The following HHLA1 variants were observed in gnomAD, a reference collection of about 807,000 sequenced individuals.
The protein encoded by HHLA1 is HHLA1 neighbor of OC90, also known as HERV-H LTR-associating protein 1.
Under a neutral mutation model 69.9 loss-of-function variants are expected in HHLA1, and 72 were observed. The observed-to-expected ratio is 1.03, with a 90% CI of 0.85 to 1.25. HHLA1 has a LOEUF of 1.25. HHLA1 is among the 50% of genes most tolerant of loss of function. The probability of loss-of-function intolerance (pLI) is 0.00; values close to 1 mark genes in which losing one functional copy is unlikely to be tolerated. For missense variants in HHLA1, 685 were observed against 642.2 expected, an observed-to-expected ratio of 1.07 and a Z score of -0.72; for synonymous variants, 252 against 233.2, an observed-to-expected ratio of 1.08 and a Z score of -0.73.
In HHLA1 at chr8:132,100,138, G is replaced by T. The variant is rs1430112409; in HGVS notation, c.140-4C>A. Reference sequence around the variant, plus strand: ...TCTTCTTCTCTAAGGCCAGACACTGGGAAGGAGACAGTTTTCATGAGAAAA... The same window carrying T: ...TCTTCTTCTCTAAGGCCAGACACTGTGAAGGAGACAGTTTTCATGAGAAAA... On this transcript the variant is annotated splice_region_variant and splice_polypyrimidine_tract_variant and intron_variant, in intron 3 of 16. Coordinates refer to ENST00000414222, the MANE Select transcript of HHLA1 (RefSeq NM_001145095.3). 4 of 1,548,100 alleles carry T rather than the reference G, an allele frequency of 2.6e-6. No homozygotes were observed. In the Admixed American group the frequency reaches 7.8e-5, roughly 30 times the overall value.
chr8:132,083,097 C>A (rs1215299513), intron 10 of HHLA1, among the ~76,000 whole-genome samples: 1 of 151,318 alleles, frequency 6.6e-6, no homozygotes, highest in South Asian at 2.1e-4. Context: ...GGGGGGGATA[C>A]AAGAGGAGGA....
intron 7 of HHLA1, among the ~76,000 whole-genome samples, chr8:132,094,632 A>T (rs1823993466): frequency 6.6e-6 from 1 of 151,992 alleles, no homozygotes; most frequent in Admixed American, 6.6e-5. Flanking sequence ...ACCACCCTAC[A>T]CACAGCAATA....
At chr8:132,093,790 A>G (rs1823979328) in intron 7 of HHLA1, among the ~76,000 whole-genome samples, 1 of 152,198 alleles carries the variant, frequency 6.6e-6, no homozygotes, top group Non-Finnish European at 1.5e-5. Context: ...ACAGACTTCT[A>G]TCCTCAGCAG....
chr8:132,077,754 G>T lies in HHLA1; in HGVS notation c.1143C>A (p.Gly381=). The T allele has an allele frequency of 6.4e-7, 1 of 1,551,700 alleles. No homozygotes were observed. Among genetic ancestry groups the T allele is most frequent in the Non-Finnish European group, 8.7e-7 (1 of 1,146,982 alleles). ...APAAEIMATP[G]SPSQASPTLG... ...AGGTAGGGCTGGCCTGGGATGGGCT[G>T]CCAGGTGTGGCCATTATCTCAGCAG... The change falls in exon 12 of 17, where the codon GGC becomes GGA. Residue 381 remains glycine (G), a synonymous_variant. Transcript: ENST00000414222.
chr8:132,098,839 G>GA (rs150211468), intron 5 of HHLA1, 43 bp downstream of exon 5: 1,810 of 1,282,120 alleles, frequency 1.4e-3, no homozygotes, highest in Non-Finnish European at 1.6e-3. Flanking sequence ...ACTGGTACAA[G>GA]AAAAAAAAAT....
rs1405792750 is a variant in HHLA1, at chr8:132,111,111, G to A, written c.-31C>T. 2 of 150,812 alleles carry A rather than the reference G, an allele frequency of 1.3e-5. No homozygotes were observed. Among genetic ancestry groups the A allele is most frequent in the African/African-American group, 2.4e-5 (1 of 40,986 alleles). 9.3% of individuals were successfully genotyped at this position (150,812 alleles called of 1,614,324 possible). A position where few individuals can be genotyped will look rare whatever the true frequency, so the allele number is the denominator to read the frequency against. ...ACCATATACTACTTACCTATCTTCT[G>A]AGCAGGATAAATTGACTTCAAAGAA... is the stretch of plus-strand genomic sequence containing the variant. On this transcript the variant is annotated 5_prime_UTR_variant, in exon 1 of 17. Transcript: ENST00000414222.
intron 15 of HHLA1, among the ~76,000 whole-genome samples, chr8:132,066,475 C>T (rs1255096794): frequency 4.6e-5 from 7 of 152,120 alleles, no homozygotes; most frequent in Non-Finnish European, 7.3e-5. Context: ...TGCAAAATAA[C>T]ATTCTGTTCT....
intron 7 of HHLA1, among the ~76,000 whole-genome samples, chr8:132,089,885 A>G (rs1232798676): frequency 6.6e-6 from 1 of 152,122 alleles, no homozygotes; most frequent in Non-Finnish European, 1.5e-5. Context: ...GAAGGGCCAC[A>G]TTGTTGAATA....
At chr8:132,102,806 T>C (rs1390338098) in intron 3 of HHLA1, among the ~76,000 whole-genome samples, 1 of 147,588 alleles carries the variant, frequency 6.8e-6, no homozygotes, top group Non-Finnish European at 1.5e-5. Flanking sequence ...TTTTTTTTTT[T>C]TTTTTTTTTT....
chr8:132,095,663 C>G (rs574360437), intron 6 of HHLA1, 40 bp downstream of exon 6: 1 of 1,533,856 alleles, frequency 6.5e-7, no homozygotes, highest in East Asian at 2.5e-5. Context: ...CAACACATCC[C>G]TACCACCACC....
chr8:132,075,417 C>T (rs901758922), intron 14 of HHLA1, among the ~76,000 whole-genome samples: 14 of 152,138 alleles, frequency 9.2e-5, no homozygotes, highest in African/African-American at 3.4e-4. Flanking sequence ...CAAAAGCAAG[C>T]TGGAAAAATG....
Position 132,104,119 on chromosome 8 carries a change from A to G in HHLA1, c.128T>C (p.Leu43Ser). Residue 43 changes from leucine (L) to serine (S), a missense_variant, in exon 3 of 17, where the codon TTA becomes TCA. Leu to Ser is a moderately radical substitution (Grantham distance 145). Coordinates refer to ENST00000414222, the MANE Select transcript of HHLA1 (RefSeq NM_001145095.3). ...TATCACCCACTTACCTGTTGTAGGTAAAAAGGTCATTCCCTTCTCTTTCTT... is the reference window on the plus strand; with the variant it reads ...TATCACCCACTTACCTGTTGTAGGTGAAAAGGTCATTCCCTTCTCTTTCTT... ...EAKKEKGMTF[L>S]PTTVSGLREE... is the part of the protein sequence containing the mutation. 6.5e-7 allele frequency: 1 copy of G among 1,550,140 alleles called. No individual in the cohort carries two copies. Among genetic ancestry groups the G allele is most frequent in the Non-Finnish European group, 8.7e-7 (1 of 1,145,590 alleles).
intron 10 of HHLA1, among the ~76,000 whole-genome samples, chr8:132,082,147 G>T (rs1004769126): frequency 6.6e-6 from 1 of 152,166 alleles, no homozygotes; most frequent in African/African-American, 2.4e-5. Context: ...TGGTAATTGT[G>T]GGAGACTCAA....
chr8:132,094,852 C>T (rs971200359), intron 7 of HHLA1, among the ~76,000 whole-genome samples: 2 of 152,178 alleles, frequency 1.3e-5, no homozygotes, highest in Non-Finnish European at 2.9e-5. Context: ...AGTGCACGCT[C>T]AGATGGAATT....
intron 1 of HHLA1, among the ~76,000 whole-genome samples, chr8:132,108,003 T>G (rs890171860): frequency 8.5e-5 from 13 of 152,202 alleles, no homozygotes; most frequent in Admixed American, 3.3e-4. Flanking sequence ...TACTTGAATC[T>G]TGAGTTGGCC....
intron 16 of HHLA1, among the ~76,000 whole-genome samples, chr8:132,064,608 A>G (rs1435887027): frequency 6.6e-6 from 1 of 151,284 alleles, no homozygotes; most frequent in African/African-American, 2.4e-5. Context: ...GTGGACTTGC[A>G]TAAGAAATAA....
At chr8:132,076,590 C>A (rs764939352) in intron 12 of HHLA1, 47 bp from the exon 13 acceptor site, 7 of 1,322,140 alleles carry the variant, frequency 5.3e-6, no homozygotes, top group Non-Finnish European at 7.1e-6. Context: ...TTCTAGGGGG[C>A]CCTGAGGGAG....
At chr8:132,087,460 G>A (rs1393662195) in intron 10 of HHLA1, among the ~76,000 whole-genome samples, 193 bp downstream of exon 10, 2 of 152,304 alleles carry the variant, frequency 1.3e-5, no homozygotes, top group South Asian at 4.2e-4. Flanking sequence ...CATGTGTTGG[G>A]GGGAAGATCT....
chr8:132,085,121 C>G (rs975639324), intron 10 of HHLA1, among the ~76,000 whole-genome samples: 6 of 152,192 alleles, frequency 3.9e-5, no homozygotes, highest in Non-Finnish European at 8.8e-5. Flanking sequence ...AGGACCAAGG[C>G]AGGCATCCCT....
Sources: gnomAD v4.1 joint callset for allele counts (sites outside exome capture counted in the v4.1 genomes callset) on GRCh38, gnomAD v4.1.1 for gene constraint, MANE v1.5 for transcripts, NCBI Gene and HGNC (gene_info 2026-07-23, HGNC 2026-07-21) for gene names.